NRXN3: variants seen among roughly 807,000 people sequenced by gnomAD.
The protein encoded by NRXN3 is neurexin III.
NRXN3 carries 32 observed loss-of-function variants against 137.6 expected under a neutral mutation model. The ratio of observed to expected loss-of-function variants is 0.23; its 90% CI spans 0.18 to 0.31. The LOEUF (loss-of-function observed/expected upper bound fraction) is 0.31. Among genes scored for constraint, NRXN3 ranks in the 10% least tolerant of loss-of-function variants. The probability of loss-of-function intolerance (pLI) is 1.00; values close to 1 mark genes in which losing one functional copy is unlikely to be tolerated. For synonymous variants in NRXN3, 798 were observed against 784.5 expected (o/e 1.02, Z -0.29); for missense variants, 1,574 against 2,062.5 (o/e 0.76, Z 4.59).
chr14:79,431,565 A>T (rs765060032), intron 15 of NRXN3, among the ~76,000 whole-genome samples: 2 of 152,164 alleles, frequency 1.3e-5, no homozygotes, highest in African/African-American at 2.4e-5. Flanking sequence ...AACTGTATTG[A>T]CAGCCTAAGC....
chr14:79,017,472 G>A (rs2099581209), intron 15 of NRXN3, among the ~76,000 whole-genome samples: 1 of 151,776 alleles, frequency 6.6e-6, no homozygotes. Flanking sequence ...CCCATCCTGG[G>A]ACTCATACTC....
chr14:79,044,490 G>C (rs1422475945), intron 15 of NRXN3, among the ~76,000 whole-genome samples: 3 of 152,164 alleles, frequency 2.0e-5, no homozygotes, highest in Non-Finnish European at 4.4e-5. Context: ...CATAGGTTTT[G>C]ATGATGGTTA....
At chr14:79,076,520 C>T (rs73322879) in intron 15 of NRXN3, among the ~76,000 whole-genome samples, 1,789 of 152,250 alleles carry the variant, frequency 0.012, 30 homozygotes, top group African/African-American at 0.041. Context: ...GATAATACTT[C>T]ATTGGCACAA....
intron 17 of NRXN3, among the ~76,000 whole-genome samples, chr14:79,691,295 CT>C (rs1164838210): frequency 6.6e-6 from 1 of 151,868 alleles, no homozygotes. Context: ...TCCTAACAGG[CT>C]TTATGAATGG....
chr14:79,034,721 A>G (rs1388475407), intron 15 of NRXN3, among the ~76,000 whole-genome samples: 1 of 152,152 alleles, frequency 6.6e-6, no homozygotes, highest in Non-Finnish European at 1.5e-5. Flanking sequence ...GTTTAAGAGT[A>G]CATTTTGATA....
intron 15 of NRXN3, among the ~76,000 whole-genome samples, chr14:79,063,702 C>T (rs1051031060): frequency 1.3e-5 from 2 of 152,050 alleles, no homozygotes; most frequent in African/African-American, 4.8e-5. Context: ...TTTTTTAATA[C>T]AAGCCGAGGA....
At chr14:78,351,901 C>T (rs1234875168) in intron 4 of NRXN3, among the ~76,000 whole-genome samples, 5 of 147,626 alleles carry the variant, frequency 3.4e-5, no homozygotes, top group Non-Finnish European at 5.9e-5. Flanking sequence ...CCTCCTATTT[C>T]GGTGTCATAA....
At position 79,199,746 on chromosome 14, in the gene NRXN3, A is replaced by G. The variant is rs146896680; in HGVS notation, c.3262+211605A>G. On this transcript the variant is annotated intron_variant, in intron 15 of 20. Coordinates refer to ENST00000335750, the MANE Select transcript of NRXN3 (RefSeq NM_001330195.2). ...AACACTGAATAAGATTCAAACAGAC[A>G]AACCATGGTTGGGGCCCAGCTTGAG... Among the ~76,000 whole-genome samples the G allele has an allele frequency of 3.3e-3, 498 of 152,318 alleles. 2 individuals are homozygous for G. The highest frequency in any genetic ancestry group is 0.011 in the African/African-American group (466 of 41,566).
At chr14:79,443,443 A>G (rs1457117325) in intron 15 of NRXN3, among the ~76,000 whole-genome samples, 2 of 152,192 alleles carry the variant, frequency 1.3e-5, no homozygotes, top group East Asian at 3.9e-4. Context: ...ATGATGGCCA[A>G]ATAGCTGTTT....
intron 15 of NRXN3, among the ~76,000 whole-genome samples, chr14:79,088,986 C>A (rs1041364974): frequency 2.0e-5 from 3 of 152,174 alleles, no homozygotes; most frequent in Non-Finnish European, 1.5e-5. Flanking sequence ...CACCAACCCC[C>A]AAAGACATGG....
At chr14:78,874,741 G>A (rs1394880943) in intron 10 of NRXN3, among the ~76,000 whole-genome samples, 1 of 152,166 alleles carries the variant, frequency 6.6e-6, no homozygotes, top group Non-Finnish European at 1.5e-5. Flanking sequence ...GCTGGCAGGT[G>A]TCATGTTCTG....
rs375329599 is a variant in NRXN3 at position 79,390,902 on chromosome 14, G to T, written c.3263-76319G>T. ...TTGAATTAATGTCATTATCACAGGAGTGGGTTAGTTAGCACGAGAGTGGCT... is the reference window on the plus strand; with the variant it reads ...TTGAATTAATGTCATTATCACAGGATTGGGTTAGTTAGCACGAGAGTGGCT... On this transcript the variant is annotated intron_variant, in intron 15 of 20. Coordinates refer to ENST00000335750, the MANE Select transcript of NRXN3 (RefSeq NM_001330195.2). Among the ~76,000 whole-genome samples, 15 of 152,290 alleles carry T rather than the reference G, an allele frequency of 9.8e-5. No homozygotes were observed. In the East Asian group the frequency reaches 2.5e-3, roughly 25 times the overall value.
chr14:78,491,364 T>C (rs1277576470), intron 4 of NRXN3, among the ~76,000 whole-genome samples: 1 of 152,142 alleles, frequency 6.6e-6, no homozygotes, highest in Non-Finnish European at 1.5e-5. Context: ...AGGCCAATGA[T>C]GTCCAGAGGG....
rs77419133 is a variant in NRXN3 at position 79,478,896 on chromosome 14, G to A, written c.3444+11494G>A. Among the ~76,000 whole-genome samples the A allele has an allele frequency of 5.6e-3, 846 of 152,218 alleles. 7 individuals carry two copies. The highest frequency in any genetic ancestry group is 0.02 in the African/African-American group (826 of 41,550). On this transcript the variant is annotated intron_variant, in intron 16 of 20. Coordinates refer to ENST00000335750, the MANE Select transcript of NRXN3 (RefSeq NM_001330195.2). ...GCTCAACTGCTGGACCCTGTAAGCT[G>A]TTGTGGTTCTCAAATGATGTCCTTA...
intron 1 of NRXN3, among the ~76,000 whole-genome samples, chr14:78,239,057 G>C (rs1252546550): frequency 6.6e-6 from 1 of 152,244 alleles, no homozygotes; most frequent in African/African-American, 2.4e-5. Context: ...CTTGTGTAAA[G>C]TGGGGTTGTG....
At chr14:78,435,141 G>A (rs79523418) in intron 4 of NRXN3, among the ~76,000 whole-genome samples, 7,340 of 152,242 alleles carry the variant, frequency 0.048, 501 homozygotes, top group African/African-American at 0.15. Context: ...ATTCATGTTT[G>A]CTTACTTGTG....
At position 78,278,783 on chromosome 14, in the gene NRXN3, T is replaced by C. The variant is rs1339210193; in HGVS notation, c.727+121T>C. 1.7e-4 allele frequency: 132 copies of C among 788,284 alleles called. 1 individual carries two copies. Among genetic ancestry groups the C allele is most frequent in the Non-Finnish European group, 8.4e-6 (4 of 473,678 alleles). 48.8% of individuals were successfully genotyped at this position (788,284 alleles called of 1,614,324 possible). ...TCTAAGTGTATTGCATTTTCACTGATCTAGGTTTAGAAGAAGAAATGCATT... is the reference window on the plus strand; with the variant it reads ...TCTAAGTGTATTGCATTTTCACTGACCTAGGTTTAGAAGAAGAAATGCATT... On this transcript the variant is annotated intron_variant, in intron 3 of 20. Transcript: ENST00000335750.
chr14:79,708,908 G>A (rs945253698), intron 19 of NRXN3, among the ~76,000 whole-genome samples: 17 of 152,042 alleles, frequency 1.1e-4, no homozygotes, highest in Admixed American at 2.0e-4. Flanking sequence ...TTACTTGATG[G>A]GAATTTGATT....
intron 6 of NRXN3, among the ~76,000 whole-genome samples, chr14:78,668,429 C>T (rs1369705631): frequency 6.6e-6 from 1 of 152,134 alleles, no homozygotes; most frequent in Non-Finnish European, 1.5e-5. Flanking sequence ...TTAGTGGCTT[C>T]TCAAGTGGAG....
Sources: allele counts gnomAD v4.1 joint callset (sites outside exome capture counted in the v4.1 genomes callset), GRCh38; gene constraint gnomAD v4.1.1; transcripts MANE v1.5; gene names NCBI Gene and HGNC (gene_info 2026-07-23, HGNC 2026-07-21).